Variants in EXOC4 observed in about 807,000 individuals in gnomAD.
The protein encoded by EXOC4 is SEC8-like 1.
EXOC4 carries 71 observed loss-of-function variants against 107.2 expected under a neutral mutation model. That is an observed-to-expected ratio of 0.66 (90% confidence interval 0.55 to 0.81). The LOEUF is 0.81. Among genes scored for constraint, EXOC4 ranks in the 30% least tolerant of loss-of-function variants. The pLI is 0.00. For missense variants in EXOC4, 1,108 were observed against 1,189.6 expected, an observed-to-expected ratio of 0.93 and a Z score of 1.01; for synonymous variants, 456 against 441.2, an observed-to-expected ratio of 1.03 and a Z score of -0.42.
chr7:134,058,519 C>T (rs1385110198), intron 17 of EXOC4, among the ~76,000 whole-genome samples: 2 of 152,160 alleles, frequency 1.3e-5, no homozygotes, highest in Non-Finnish European at 2.9e-5. Context: ...CTTGTAAACT[C>T]CCAAATTAAG....
intron 11 of EXOC4, among the ~76,000 whole-genome samples, chr7:133,861,055 C>A (rs1244316783): frequency 6.6e-6 from 1 of 152,168 alleles, no homozygotes; most frequent in Non-Finnish European, 1.5e-5. Flanking sequence ...ACCTCCTTAA[C>A]AAAACAACCT....
chr7:133,546,682 C>T (rs965910675), intron 9 of EXOC4, among the ~76,000 whole-genome samples: 5 of 152,112 alleles, frequency 3.3e-5, no homozygotes, highest in Non-Finnish European at 5.9e-5. Context: ...CGGTCCATTT[C>T]CCCACCCCCA....
chr7:134,038,527 T>C (rs781508333), intron 17 of EXOC4, among the ~76,000 whole-genome samples: 5 of 152,218 alleles, frequency 3.3e-5, no homozygotes, highest in Non-Finnish European at 5.9e-5. Flanking sequence ...TGTGGGTCAA[T>C]TAGTCTTTTT....
At chr7:133,698,245 TA>T (rs1353580893) in intron 10 of EXOC4, among the ~76,000 whole-genome samples, 1 of 152,136 alleles carries the variant, frequency 6.6e-6, no homozygotes, top group Non-Finnish European at 1.5e-5. Flanking sequence ...ATTGTTTTTT[TA>T]AAAAACATTG....
At chr7:134,013,925 CT>C (rs1188472649) in intron 17 of EXOC4, among the ~76,000 whole-genome samples, 1 of 152,102 alleles carries the variant, frequency 6.6e-6, no homozygotes, top group East Asian at 1.9e-4. Context: ...AACTAGAACC[CT>C]CATTTGCCGC....
At chr7:133,253,333 C>G in intron 1 of EXOC4, 146 bp downstream of exon 1, 1 of 1,410,736 alleles carries the variant, frequency 7.1e-7, no homozygotes, top group South Asian at 1.6e-5. Context: ...CTAACCCCTC[C>G]CCAGGGCCCC....
intron 14 of EXOC4, among the ~76,000 whole-genome samples, chr7:133,979,484 C>T (rs5000040): frequency 0.012 from 1,814 of 152,192 alleles, 49 homozygotes; most frequent in African/African-American, 0.041. Flanking sequence ...TCTTTGAATT[C>T]CTAAAATAAC....
At chr7:133,931,316 G>A (rs1019898650) in intron 13 of EXOC4, among the ~76,000 whole-genome samples, 1 of 152,154 alleles carries the variant, frequency 6.6e-6, no homozygotes, top group African/African-American at 2.4e-5. Context: ...CTTGTTGAAT[G>A]AATGTATGTC....
At chr7:133,623,362 C>T (rs1347597304) in intron 9 of EXOC4, among the ~76,000 whole-genome samples, 1 of 152,166 alleles carries the variant, frequency 6.6e-6, no homozygotes, top group Admixed American at 6.5e-5. Context: ...ATGGATTTCT[C>T]ACTGAGCAAA....
the EXOC4 span, among the ~76,000 whole-genome samples, chr7:134,085,115 C>T: frequency 6.6e-6 from 1 of 152,136 alleles, no homozygotes; most frequent in Non-Finnish European, 1.5e-5. Context: ...GGTTTTTAAT[C>T]TTGTCCACCT....
chr7:133,351,483 A>T (rs1795908190), intron 5 of EXOC4, among the ~76,000 whole-genome samples: 1 of 152,000 alleles, frequency 6.6e-6, no homozygotes, highest in Non-Finnish European at 1.5e-5. Flanking sequence ...GTGTTGTACG[A>T]TTATTCACAG....
chr7:133,499,268 G>T lies in EXOC4; in HGVS notation c.1417+19130G>T, dbSNP rs1032551551. ...TCATTTTAAGTTCCTTGCAGTCAGG[G>T]ACCAAGTCAGTATATACCAATCACT... On this transcript the variant is annotated intron_variant, in intron 9 of 17. Coordinates refer to ENST00000253861, the MANE Select transcript of EXOC4 (RefSeq NM_021807.4). Among the ~76,000 whole-genome samples, 5 of 151,996 alleles carry T rather than the reference G, an allele frequency of 3.3e-5. No individual in the cohort carries two copies. The East Asian group carries it at 7.7e-4, about 23-fold the overall frequency.
chr7:133,757,659 A>G (rs1795947039), intron 10 of EXOC4, among the ~76,000 whole-genome samples: 3 of 152,234 alleles, frequency 2.0e-5, no homozygotes, highest in Admixed American at 1.3e-4. Context: ...GCAGGACTGG[A>G]TAAAGACAAG....
intron 9 of EXOC4, among the ~76,000 whole-genome samples, chr7:133,585,681 A>G (rs1439970087): frequency 1.3e-5 from 2 of 152,024 alleles, no homozygotes; most frequent in Non-Finnish European, 2.9e-5. Context: ...AGAGGAGATA[A>G]ATGATAAGAA....
intron 9 of EXOC4, among the ~76,000 whole-genome samples, chr7:133,492,896 A>G (rs1282563725): frequency 6.6e-6 from 1 of 151,746 alleles, no homozygotes; most frequent in South Asian, 2.1e-4. Flanking sequence ...CCAAAGCTCT[A>G]GGTTCTTGGA....
chr7:133,728,558 A>G (rs1795263014), intron 10 of EXOC4, among the ~76,000 whole-genome samples: 1 of 152,080 alleles, frequency 6.6e-6, no homozygotes, highest in Admixed American at 6.6e-5. Flanking sequence ...TTTGCTGGTA[A>G]TTTGTCTTCA....
At chr7:133,960,441 G>C (rs527815431) in intron 14 of EXOC4, among the ~76,000 whole-genome samples, 2 of 152,146 alleles carry the variant, frequency 1.3e-5, no homozygotes, top group Non-Finnish European at 2.9e-5. Flanking sequence ...CCAATTCTTT[G>C]AATGTCTGGC....
chr7:133,541,134 G>A lies in EXOC4; in HGVS notation c.1417+60996G>A, dbSNP rs1800371462. On this transcript the variant is annotated intron_variant, in intron 9 of 17. Transcript: ENST00000253861. ...CTTAGGTTTAATTAAGCTAATTATAGTCATTATTTACCTTTTTCATATTGA... is the reference window on the plus strand; with the variant it reads ...CTTAGGTTTAATTAAGCTAATTATAATCATTATTTACCTTTTTCATATTGA... Among the ~76,000 whole-genome samples the A allele has an allele frequency of 2.6e-5, 4 of 152,080 alleles. No individual in the cohort carries two copies. The South Asian group carries it at 8.3e-4, about 32-fold the overall frequency.
chr7:133,590,542 G>T (rs949451876), intron 9 of EXOC4, among the ~76,000 whole-genome samples: 1 of 152,016 alleles, frequency 6.6e-6, no homozygotes, highest in Non-Finnish European at 1.5e-5. Context: ...AAAACCCCAG[G>T]CTCCACTGGC....
Sources: allele counts gnomAD v4.1 joint callset (sites outside exome capture counted in the v4.1 genomes callset), GRCh38; gene constraint gnomAD v4.1.1; transcripts MANE v1.5; gene names NCBI Gene and HGNC (gene_info 2026-07-23, HGNC 2026-07-21).